Variants in GSAP observed in about 807,000 individuals in gnomAD.
GSAP encodes the protein gamma-secretase activating protein, also known as gamma-secretase-activating protein.
Under a neutral mutation model 131.7 loss-of-function variants are expected in GSAP, and 118 were observed. That is an observed-to-expected ratio of 0.90 (90% CI 0.77 to 1.04). The LOEUF is 1.04. Ranked by LOEUF, GSAP falls within the 50% of genes least tolerant of loss-of-function variation. The probability of loss-of-function intolerance (pLI) is 0.00; values close to 1 mark genes in which losing one functional copy is unlikely to be tolerated. For missense variants in GSAP, 1,019 were observed against 1,013.2 expected (o/e 1.01, Z -0.08); for synonymous variants, 381 against 363.4 (o/e 1.05, Z -0.55).
intron 5 of GSAP, among the ~76,000 whole-genome samples, chr7:77,389,807 G>C (rs1256458304): frequency 6.6e-6 from 1 of 152,198 alleles, no homozygotes; most frequent in African/African-American, 2.4e-5. Context: ...CCAGTAATGG[G>C]ATGGCTGGGT....
At chr7:77,312,649 A>C (rs1218341958) in intron 28 of GSAP, among the ~76,000 whole-genome samples, 1 of 152,236 alleles carries the variant, frequency 6.6e-6, no homozygotes, top group Non-Finnish European at 1.5e-5. Context: ...TGTTTCCCAG[A>C]GAGATCTAGC....
intron 3 of GSAP, among the ~76,000 whole-genome samples, chr7:77,404,331 T>C (rs924876467): frequency 2.0e-5 from 3 of 152,266 alleles, no homozygotes; most frequent in Admixed American, 1.3e-4. Context: ...TTCAAAGCCA[T>C]GTGTAACATT....
chr7:77,329,304 C>A (rs750170735), intron 21 of GSAP, 29 bp downstream of exon 21: 1 of 1,280,286 alleles, frequency 7.8e-7, no homozygotes, highest in Non-Finnish European at 1.1e-6. Flanking sequence ...AACCATCTTA[C>A]AGATATGATA....
At chr7:77,397,577 T>C (rs1800626820) in intron 3 of GSAP, among the ~76,000 whole-genome samples, 162 bp from the exon 4 acceptor site, 1 of 152,166 alleles carries the variant, frequency 6.6e-6, no homozygotes, top group Non-Finnish European at 1.5e-5. Context: ...CAGAGTACTC[T>C]TTACCAAAAA....
chr7:77,410,943 T>C (rs1334310489), intron 1 of GSAP, among the ~76,000 whole-genome samples: 1 of 152,092 alleles, frequency 6.6e-6, no homozygotes, highest in Non-Finnish European at 1.5e-5. Context: ...TGACCAGTTA[T>C]TATAATTCCT....
intron 19 of GSAP, among the ~76,000 whole-genome samples, chr7:77,338,904 C>T (rs375948872): frequency 3.1e-4 from 47 of 152,230 alleles, no homozygotes; most frequent in Non-Finnish European, 5.7e-4. Flanking sequence ...AGGAAGGTAC[C>T]TATTCAGTTC....
intron 3 of GSAP, among the ~76,000 whole-genome samples, 194 bp downstream of exon 3, chr7:77,404,365 C>T (rs563259652): frequency 7.2e-4 from 110 of 152,314 alleles, no homozygotes; most frequent in Non-Finnish European, 1.3e-3. Context: ...AAACCCCCAA[C>T]CTTTCTTAGT....
chr7:77,334,674 A>G (rs994668838), intron 19 of GSAP, among the ~76,000 whole-genome samples: 2 of 151,494 alleles, frequency 1.3e-5, no homozygotes, highest in African/African-American at 2.4e-5. Context: ...CAAATACTGT[A>G]CTCATCAGGA....
intron 19 of GSAP, among the ~76,000 whole-genome samples, chr7:77,334,735 G>T (rs1308503864): frequency 2.6e-5 from 4 of 151,884 alleles, no homozygotes; most frequent in Non-Finnish European, 5.9e-5. Flanking sequence ...GCCCATCACC[G>T]GCAACTCGAA....
chr7:77,331,951 C>G (rs886462573), intron 19 of GSAP: 8 of 152,042 alleles, frequency 5.3e-5, no homozygotes, highest in African/African-American at 1.7e-4. Context: ...GAATTAGGTC[C>G]CTGACTGGAA....
intron 12 of GSAP, among the ~76,000 whole-genome samples, chr7:77,369,805 A>G (rs999584505): frequency 1.3e-5 from 2 of 152,224 alleles, no homozygotes; most frequent in Non-Finnish European, 2.9e-5. Context: ...TTGAAGAGTA[A>G]TATAGGAAAC....
chr7:77,393,356 C>T (rs1351116044), intron 5 of GSAP, among the ~76,000 whole-genome samples: 3 of 152,094 alleles, frequency 2.0e-5, no homozygotes, highest in Non-Finnish European at 4.4e-5. Flanking sequence ...TGAAACCTTC[C>T]CATGATGAGC....
At chr7:77,332,475 C>A (rs911558141) in intron 19 of GSAP, among the ~76,000 whole-genome samples, 4 of 152,154 alleles carry the variant, frequency 2.6e-5, no homozygotes, top group African/African-American at 9.7e-5. Context: ...ACAGATCAAA[C>A]AGAGCTCGCC....
Position 77,320,911 on chromosome 7 carries a change from G to A in GSAP, c.1995-92C>T, listed in dbSNP as rs562829927. 29 of 760,026 alleles carry A rather than the reference G, an allele frequency of 3.8e-5. No homozygotes were observed. The East Asian group carries it at 3.9e-4, about 10-fold the overall frequency. The allele number at this position is 760,026 out of a possible 1,614,324, so 47.1% of individuals were successfully genotyped here. On this transcript the variant is annotated intron_variant, in intron 25 of 30. Coordinates refer to ENST00000257626, the MANE Select transcript of GSAP (RefSeq NM_017439.4). ...GCAGTGGCTTTGAGTACTACACAAGGGTTCATGCTAATCATGAAATGCTAT... is the reference window on the plus strand; with the variant it reads ...GCAGTGGCTTTGAGTACTACACAAGAGTTCATGCTAATCATGAAATGCTAT...
chr7:77,323,659 G>A lies in GSAP; in HGVS notation c.1911C>T (p.Tyr637=), dbSNP rs752720478. ...AAGCAAGACCAACCAGTTTTGAAAT[G>A]TAGTCCAGAACCATCTGTTCAATTT... The part of the protein sequence containing the change: ...KKKIEQMVLD[Y]ISKLLDLICH... Residue 637 remains tyrosine (Y), a synonymous_variant, in exon 24 of 31, where the codon TAC becomes TAT. Coordinates refer to ENST00000257626, the MANE Select transcript of GSAP (RefSeq NM_017439.4). 6.3e-6 allele frequency: 10 copies of A among 1,582,996 alleles called. No individual in the cohort carries two copies. The South Asian group carries it at 1.1e-4, about 18-fold the overall frequency.
intron 5 of GSAP, among the ~76,000 whole-genome samples, chr7:77,390,545 C>A (rs1799303664): frequency 6.6e-6 from 1 of 151,898 alleles, no homozygotes; most frequent in South Asian, 2.1e-4. Flanking sequence ...ATAGGGAATC[C>A]TTTACCCATT....
At chr7:77,327,016 T>C (rs1788410754) in intron 22 of GSAP, 1 of 152,220 alleles carries the variant, frequency 6.6e-6, no homozygotes, top group Admixed American at 6.5e-5. Context: ...TGGGAGGGCA[T>C]CGATATCTCT....
chr7:77,316,159 A>G (rs1337176628), intron 26 of GSAP: 1 of 152,250 alleles, frequency 6.6e-6, no homozygotes, highest in African/African-American at 2.4e-5. Flanking sequence ...GAAGGTATGA[A>G]GACCTGTAGA....
chr7:77,376,797 A>G (rs76764879), intron 10 of GSAP, 51 bp downstream of exon 10: 53,958 of 704,336 alleles, frequency 0.077, 2,586 homozygotes, highest in Non-Finnish European at 0.089. Flanking sequence ...AAAAAAAAAG[A>G]GAGTAATGTA....
Sources: allele counts gnomAD v4.1 joint callset (sites outside exome capture counted in the v4.1 genomes callset), GRCh38; gene constraint gnomAD v4.1.1; transcripts MANE v1.5; gene names NCBI Gene and HGNC (gene_info 2026-07-23, HGNC 2026-07-21).